Variants in GRB14 observed in about 807,000 individuals in gnomAD.
The protein encoded by GRB14 is growth factor receptor-bound protein 14.
Under a neutral mutation model 69.1 loss-of-function variants are expected in GRB14, and 38 were observed. That is an observed-to-expected ratio of 0.55 (90% CI 0.42 to 0.72). GRB14 has a LOEUF of 0.72. Among genes scored for constraint, GRB14 ranks in the 30% least tolerant of loss-of-function variants. The pLI, the probability that GRB14 is intolerant of heterozygous loss-of-function variation, is 0.00. For synonymous variants in GRB14, 247 were observed against 241.3 expected (o/e 1.02, Z -0.22); for missense variants, 666 against 666.1 (o/e 1.00, Z 0.00).
At chr2:164,576,892 A>G (rs1173060003) in intron 2 of GRB14, among the ~76,000 whole-genome samples, 1 of 152,052 alleles carries the variant, frequency 6.6e-6, no homozygotes, top group Non-Finnish European at 1.5e-5. Context: ...ACAATAAAAC[A>G]GATAAATACT....
At chr2:164,600,553 G>A (rs887204676) in intron 2 of GRB14, among the ~76,000 whole-genome samples, 11 of 151,976 alleles carry the variant, frequency 7.2e-5, no homozygotes, top group African/African-American at 1.9e-4. Flanking sequence ...AGAATCTCCC[G>A]GCAGGTACTT....
intron 2 of GRB14, among the ~76,000 whole-genome samples, chr2:164,552,013 C>T (rs888411293): frequency 6.6e-6 from 1 of 152,092 alleles, no homozygotes; most frequent in Admixed American, 6.5e-5. Flanking sequence ...TGTCACATGG[C>T]AAGAGAGAAA....
intron 3 of GRB14, among the ~76,000 whole-genome samples, chr2:164,535,092 GA>G (rs931600731): frequency 2.6e-5 from 4 of 152,002 alleles, no homozygotes; most frequent in African/African-American, 9.7e-5. Flanking sequence ...TAGCAATCAA[GA>G]AGATGGAAAA....
At chr2:164,533,257 G>T (rs1412852232) in intron 3 of GRB14, among the ~76,000 whole-genome samples, 2 of 116,628 alleles carry the variant, frequency 1.7e-5, no homozygotes, top group African/African-American at 6.7e-5. Flanking sequence ...TTTTGAGATG[G>T]AGTCTTGCTC....
intron 1 of GRB14, among the ~76,000 whole-genome samples, chr2:164,620,470 T>C (rs1381725586): frequency 6.6e-6 from 1 of 151,950 alleles, no homozygotes; most frequent in Non-Finnish European, 1.5e-5. Flanking sequence ...TATAGTCCAC[T>C]GGAGAGTAAT....
chr2:164,574,975 C>A (rs1490316103), intron 2 of GRB14, among the ~76,000 whole-genome samples: 2 of 151,868 alleles, frequency 1.3e-5, no homozygotes, highest in East Asian at 3.9e-4. Context: ...CACATAGTTC[C>A]CCAGAGAAAC....
intron 2 of GRB14, among the ~76,000 whole-genome samples, chr2:164,552,042 C>T (rs1382919333): frequency 6.6e-6 from 1 of 152,046 alleles, no homozygotes; most frequent in African/African-American, 2.4e-5. Context: ...GAGGGGAGGG[C>T]GGTGTAAGAT....
At chr2:164,618,732 A>C (rs1254110680) in intron 2 of GRB14, among the ~76,000 whole-genome samples, 2 of 152,232 alleles carry the variant, frequency 1.3e-5, no homozygotes, top group Non-Finnish European at 2.9e-5. Flanking sequence ...CTAAAAATAT[A>C]AACACACATA....
intron 3 of GRB14, among the ~76,000 whole-genome samples, chr2:164,541,566 G>C (rs1688240367): frequency 1.3e-5 from 2 of 151,674 alleles, no homozygotes; most frequent in Non-Finnish European, 2.9e-5. Context: ...AGTGAGCCAT[G>C]ACTCCACCAC....
At chr2:164,519,773 AT>A (rs1412736740) in intron 6 of GRB14, among the ~76,000 whole-genome samples, 12 of 152,208 alleles carry the variant, frequency 7.9e-5, no homozygotes, top group African/African-American at 2.4e-4. Context: ...TGTAAAAAAA[AT>A]AAAATAAAAT....
intron 6 of GRB14, among the ~76,000 whole-genome samples, chr2:164,518,557 T>C (rs530713924): frequency 2.0e-5 from 3 of 151,614 alleles, no homozygotes; most frequent in Non-Finnish European, 4.4e-5. Context: ...AATAAAACAA[T>C]ACAAAAGATA....
intron 3 of GRB14, among the ~76,000 whole-genome samples, chr2:164,530,741 A>T (rs961424516): frequency 6.6e-6 from 1 of 152,192 alleles, no homozygotes; most frequent in African/African-American, 2.4e-5. Context: ...CAGGAGAAGA[A>T]GTTAAGGAAA....
intron 3 of GRB14, 26 bp from the exon 4 acceptor site, chr2:164,527,161 G>T: frequency 4.2e-6 from 4 of 948,878 alleles, no homozygotes; most frequent in South Asian, 1.8e-5. Context: ...CAATGAGTAT[G>T]TTGACAGATA....
chr2:164,524,718 C>A (rs1300644483), intron 5 of GRB14, among the ~76,000 whole-genome samples: 2 of 152,000 alleles, frequency 1.3e-5, no homozygotes, highest in Non-Finnish European at 2.9e-5. Context: ...TATTTACACA[C>A]ATCACAGAAC....
intron 2 of GRB14, among the ~76,000 whole-genome samples, chr2:164,572,707 A>G (rs1249100633): frequency 1.3e-5 from 2 of 152,134 alleles, no homozygotes; most frequent in South Asian, 2.1e-4. Context: ...GATGCATTCT[A>G]TATTATTTAG....
intron 3 of GRB14, among the ~76,000 whole-genome samples, chr2:164,537,464 G>A (rs1013257498): frequency 1.3e-5 from 2 of 152,126 alleles, no homozygotes; most frequent in African/African-American, 4.8e-5. Context: ...ACTAAAAGGA[G>A]GGAGGGGTGA....
intron 2 of GRB14, chr2:164,568,455 A>G: frequency 1.6e-6 from 2 of 1,221,254 alleles, no homozygotes; most frequent in Non-Finnish European, 2.1e-6. Flanking sequence ...ACTCCTTGGG[A>G]ATCTCAGGGC....
intron 2 of GRB14, among the ~76,000 whole-genome samples, chr2:164,582,584 C>T (rs760354957): frequency 4.1e-4 from 63 of 152,090 alleles, no homozygotes; most frequent in Non-Finnish European, 8.4e-4. Context: ...CCATGCCTGG[C>T]TAATTTTCGT....
intron 2 of GRB14, among the ~76,000 whole-genome samples, chr2:164,591,164 A>G (rs977345769): frequency 6.6e-6 from 1 of 152,234 alleles, no homozygotes; most frequent in Non-Finnish European, 1.5e-5. Context: ...CACATCAATC[A>G]TTTGTGTAGA....
Sources: allele counts gnomAD v4.1 joint callset (sites outside exome capture counted in the v4.1 genomes callset), GRCh38; gene constraint gnomAD v4.1.1; transcripts MANE v1.5; gene names NCBI Gene and HGNC (gene_info 2026-07-23, HGNC 2026-07-21).